RNGTT: variants seen among roughly 807,000 people sequenced by gnomAD.
RNGTT encodes the protein mRNA-capping enzyme.
In RNGTT, 33 loss-of-function variants were observed where a neutral mutation model predicts 79.3. The ratio of observed to expected loss-of-function variants is 0.42; its 90% CI spans 0.32 to 0.56. The LOEUF (loss-of-function observed/expected upper bound fraction) is 0.56, where lower values mean the gene tolerates loss of function less well. Ranked by LOEUF, RNGTT falls within the 20% of genes least tolerant of loss-of-function variation. The pLI, the probability that RNGTT is intolerant of heterozygous loss-of-function variation, is 0.17. For missense variants in RNGTT, 497 were observed against 739.1 expected, an observed-to-expected ratio of 0.67 and a Z score of 3.80; for synonymous variants, 222 against 235.9, an observed-to-expected ratio of 0.94 and a Z score of 0.54.
At chr6:88,924,708 TCAAA>T (rs1248289309) in intron 4 of RNGTT, among the ~76,000 whole-genome samples, 1 of 151,046 alleles carries the variant, frequency 6.6e-6, no homozygotes, top group African/African-American at 2.4e-5. Flanking sequence ...TTCTTTGCCC[TCAAA>T]CATTCTCCTC....
At chr6:88,831,038 A>G (rs1341193208) in intron 11 of RNGTT, among the ~76,000 whole-genome samples, 1 of 152,194 alleles carries the variant, frequency 6.6e-6, no homozygotes, top group Non-Finnish European at 1.5e-5. Context: ...ATTCCTTCTG[A>G]AACTATTCCA....
chr6:88,833,374 G>C (rs1780944719), intron 11 of RNGTT, among the ~76,000 whole-genome samples: 1 of 152,126 alleles, frequency 6.6e-6, no homozygotes, highest in South Asian at 2.1e-4. Flanking sequence ...GTTGAACAAT[G>C]AGAACACATG....
chr6:88,886,989 T>C (rs1297116015), intron 8 of RNGTT, among the ~76,000 whole-genome samples: 2 of 137,112 alleles, frequency 1.5e-5, no homozygotes, highest in African/African-American at 5.5e-5. Flanking sequence ...CAGGGAAGAA[T>C]CACTTGAGGC....
At chr6:88,664,323 C>G (rs190894551) in intron 14 of RNGTT, among the ~76,000 whole-genome samples, 1 of 152,162 alleles carries the variant, frequency 6.6e-6, no homozygotes, top group Non-Finnish European at 1.5e-5. Context: ...CCCTTTGACC[C>G]AGACAGCCCT....
Position 88,666,712 on chromosome 6 carries a change from G to A in RNGTT, c.1506+11641C>T, listed in dbSNP as rs187581191. ...TGTAGACTGGGAGCTGTATGTGGAC[G>A]GAAGCAGCTTCATTAACCCACAGAG... is the stretch of plus-strand genomic sequence containing the variant. On this transcript the variant is annotated intron_variant, in intron 14 of 15. Coordinates refer to ENST00000369485, the MANE Select transcript of RNGTT (RefSeq NM_003800.5). 2.0e-3 allele frequency among the ~76,000 whole-genome samples: 298 copies of A among 152,302 alleles called. 4 individuals carry two copies. Among genetic ancestry groups the A allele is most frequent in the African/African-American group, 7.0e-3 (290 of 41,552 alleles).
At position 88,940,433 on chromosome 6, in the gene RNGTT, A is replaced by G. The variant is rs372465416; in HGVS notation, c.174+638T>C. On this transcript the variant is annotated intron_variant, in intron 2 of 15. Transcript: ENST00000369485. ...GAGGGAAGGACTTTTTCCTGAAGCT[A>G]TATCTGTGGTGTTGGTCGGGTAAAG... Among the ~76,000 whole-genome samples, 16 of 152,228 alleles carry G rather than the reference A, an allele frequency of 1.1e-4. No homozygotes were observed. The South Asian group carries it at 1.2e-3, about 12-fold the overall frequency.
rs1019842407 is a variant in RNGTT at position 88,610,064 on chromosome 6, A to G, written c.*2655T>C. 5.3e-5 allele frequency among the ~76,000 whole-genome samples: 8 copies of G among 152,186 alleles called. No homozygotes were observed. The highest frequency in any genetic ancestry group is 5.2e-4 in the Admixed American group (8 of 15,284). On this transcript the variant is annotated 3_prime_UTR_variant, in exon 16 of 16. Transcript: ENST00000369485. Reference sequence around the variant, plus strand: ...CTTTCTCCCATTCCTCTCCACTTCAAAAATAAAAGGTTCAAACTACACCCC... The same window carrying G: ...CTTTCTCCCATTCCTCTCCACTTCAGAAATAAAAGGTTCAAACTACACCCC...
intron 8 of RNGTT, among the ~76,000 whole-genome samples, chr6:88,873,239 C>A (rs1782411433): frequency 6.6e-6 from 1 of 151,998 alleles, no homozygotes; most frequent in Non-Finnish European, 1.5e-5. Flanking sequence ...AAATGCACAG[C>A]CAACCAAGGA....
At chr6:88,842,357 A>G (rs918932077) in intron 11 of RNGTT, among the ~76,000 whole-genome samples, 6 of 152,164 alleles carry the variant, frequency 3.9e-5, no homozygotes, top group African/African-American at 1.2e-4. Context: ...AATTGCTTTT[A>G]AACACTAGAT....
intron 13 of RNGTT, among the ~76,000 whole-genome samples, chr6:88,741,808 T>A (rs1400876558): frequency 6.6e-6 from 1 of 152,190 alleles, no homozygotes; most frequent in Non-Finnish European, 1.5e-5. Context: ...TTCCTTTTCA[T>A]GGCTCTGAAC....
chr6:88,707,619 G>A (rs1776173059), intron 13 of RNGTT, among the ~76,000 whole-genome samples: 13 of 151,226 alleles, frequency 8.6e-5, no homozygotes. Context: ...GTCAGTGCCT[G>A]TTTCCCTGCC....
At chr6:88,805,699 G>A (rs1779931425) in intron 11 of RNGTT, among the ~76,000 whole-genome samples, 2 of 152,114 alleles carry the variant, frequency 1.3e-5, no homozygotes. Flanking sequence ...TTAATACTAA[G>A]GCTGGAGAAG....
At chr6:88,655,060 C>T (rs1444556236) in intron 14 of RNGTT, among the ~76,000 whole-genome samples, 2 of 151,996 alleles carry the variant, frequency 1.3e-5, no homozygotes, top group Non-Finnish European at 2.9e-5. Flanking sequence ...AAAATATGAA[C>T]GTTAGTTTCT....
At chr6:88,830,896 C>G (rs1357709170) in intron 11 of RNGTT, among the ~76,000 whole-genome samples, 6 of 152,102 alleles carry the variant, frequency 3.9e-5, no homozygotes, top group Non-Finnish European at 8.8e-5. Flanking sequence ...AGGAAGAAGT[C>G]AAATCCCTGA....
intron 14 of RNGTT, 189 bp downstream of exon 14, chr6:88,678,164 T>A (rs2127789604): frequency 4.2e-6 from 5 of 1,203,094 alleles, no homozygotes; most frequent in African/African-American, 1.6e-5. Flanking sequence ...TGACAAAAAA[T>A]TTTTCTTTTT....
chr6:88,934,334 T>C (rs1205573643), intron 2 of RNGTT, among the ~76,000 whole-genome samples: 1 of 152,152 alleles, frequency 6.6e-6, no homozygotes, highest in Non-Finnish European at 1.5e-5. Context: ...CTGTACCTAG[T>C]CATAAATAGC....
At chr6:88,755,959 C>CAAAAAA (rs1157096180) in intron 13 of RNGTT, among the ~76,000 whole-genome samples, 21 of 30,492 alleles carry the variant, frequency 6.9e-4, no homozygotes, top group East Asian at 1.1e-3. Context: ...GACTCCGTCT[C>CAAAAAA]AAAAAAAAAA....
At chr6:88,951,948 G>A (rs1785263473) in intron 1 of RNGTT, among the ~76,000 whole-genome samples, 1 of 152,168 alleles carries the variant, frequency 6.6e-6, no homozygotes, top group Non-Finnish European at 1.5e-5. Flanking sequence ...AACGGGAACT[G>A]CTGCAGATAT....
chr6:88,907,060 AC>A (rs1166102879), intron 4 of RNGTT, among the ~76,000 whole-genome samples: 4 of 152,260 alleles, frequency 2.6e-5, no homozygotes, highest in Non-Finnish European at 5.9e-5. Context: ...CTCTCTAGAA[AC>A]CAACTAACTG....
Sources: gnomAD v4.1 joint callset for allele counts (sites outside exome capture counted in the v4.1 genomes callset) on GRCh38, gnomAD v4.1.1 for gene constraint, MANE v1.5 for transcripts, NCBI Gene and HGNC (gene_info 2026-07-23, HGNC 2026-07-21) for gene names.